Variants in FOCAD observed in about 807,000 individuals in gnomAD.
FOCAD encodes focadhesin, also known as KIAA1797.
A neutral mutation model predicts 225.6 loss-of-function variants in FOCAD; 198 were observed. That is an observed-to-expected ratio of 0.88 (90% CI 0.78 to 0.99). The LOEUF (loss-of-function observed/expected upper bound fraction) is 0.99. FOCAD is among the 50% of genes least tolerant of loss of function. The pLI is 0.00. For missense variants in FOCAD, 2,713 were observed against 2,123.6 expected (o/e 1.28, Z -5.46); for synonymous variants, 897 against 755.0 (o/e 1.19, Z -3.08).
At chr9:20,989,145 T>G (rs1841439599) in intron 41 of FOCAD, among the ~76,000 whole-genome samples, 1 of 152,164 alleles carries the variant, frequency 6.6e-6, no homozygotes, top group African/African-American at 2.4e-5. Context: ...GCTTCATGAG[T>G]ATTCTGTTTG....
chr9:20,918,736 A>C (rs1834096168), intron 24 of FOCAD, among the ~76,000 whole-genome samples: 2 of 152,314 alleles, frequency 1.3e-5, no homozygotes, highest in South Asian at 4.1e-4. Context: ...AAAAAAAAAA[A>C]AAACTTACAA....
intron 19 of FOCAD, among the ~76,000 whole-genome samples, chr9:20,878,872 G>C (rs1830444795): frequency 6.6e-6 from 1 of 152,186 alleles, no homozygotes; most frequent in Admixed American, 6.5e-5. Context: ...GGCTGCTGGT[G>C]AAAGTCCTGT....
At chr9:20,737,470 T>A (rs377664217) in intron 4 of FOCAD, among the ~76,000 whole-genome samples, 3 of 152,260 alleles carry the variant, frequency 2.0e-5, no homozygotes, top group East Asian at 3.8e-4. Context: ...TTTCAACTAA[T>A]CATTAGGCTC....
intron 5 of FOCAD, among the ~76,000 whole-genome samples, chr9:20,749,470 A>G (rs1011416286): frequency 6.6e-6 from 1 of 152,102 alleles, no homozygotes; most frequent in African/African-American, 2.4e-5. Flanking sequence ...AGTGATATTC[A>G]TGGTGGAATC....
intron 21 of FOCAD, among the ~76,000 whole-genome samples, chr9:20,899,278 T>A (rs911565526): frequency 2.6e-5 from 4 of 151,910 alleles, no homozygotes; most frequent in African/African-American, 9.7e-5. Flanking sequence ...CATAAAGGTG[T>A]GGGGACCCTC....
At chr9:20,758,384 C>G (rs1446990617) in intron 6 of FOCAD, among the ~76,000 whole-genome samples, 193 bp downstream of exon 6, 1 of 151,584 alleles carries the variant, frequency 6.6e-6, no homozygotes, top group Admixed American at 6.6e-5. Context: ...TATTATTATA[C>G]TTTAAGTTTT....
At chr9:20,898,605 T>A (rs924225574) in intron 21 of FOCAD, among the ~76,000 whole-genome samples, 2 of 151,928 alleles carry the variant, frequency 1.3e-5, no homozygotes, top group Non-Finnish European at 2.9e-5. Context: ...TCTGCTTACA[T>A]TGTTAATTTG....
intron 15 of FOCAD, among the ~76,000 whole-genome samples, chr9:20,849,315 T>C (rs1378546514): frequency 6.6e-6 from 1 of 151,854 alleles, no homozygotes; most frequent in Non-Finnish European, 1.5e-5. Context: ...TGGACTCTTT[T>C]GGAAATCAAC....
chr9:20,966,397 C>T (rs1345150871), intron 35 of FOCAD, among the ~76,000 whole-genome samples: 4 of 151,898 alleles, frequency 2.6e-5, no homozygotes, highest in Admixed American at 6.6e-5. Context: ...GTTGTTGAGT[C>T]GTAAGAGTTC....
Position 20,950,995 on chromosome 9 carries a change from G to A in FOCAD, c.3949-1G>A, listed in dbSNP as rs1440659059. The A allele has an allele frequency of 6.2e-7, 1 of 1,611,624 alleles. No homozygotes were observed. Among genetic ancestry groups the A allele is most frequent in the Non-Finnish European group, 8.5e-7 (1 of 1,177,980 alleles). ...TTGAACTGTTACCTTTTTATTTGTA[G>A]GTCATTAGTGTCTCTGGGGTGATTG... is the stretch of plus-strand genomic sequence containing the variant. On this transcript the variant is annotated splice_acceptor_variant, in intron 33 of 43. Coordinates refer to ENST00000338382, the MANE Select transcript of FOCAD (RefSeq NM_001375567.1). LOFTEE classifies it high-confidence loss of function.
chr9:20,884,778 T>A (rs1427051259), intron 20 of FOCAD, among the ~76,000 whole-genome samples: 1 of 151,892 alleles, frequency 6.6e-6, no homozygotes, highest in Non-Finnish European at 1.5e-5. Flanking sequence ...AATGTCTTTG[T>A]AAGCTGGGCG....
chr9:20,789,395 A>C lies in FOCAD; in HGVS notation c.1242A>C (p.Thr414=), dbSNP rs1041575131. Residue 414 remains threonine (T), a synonymous_variant, in exon 11 of 44, where the codon ACA becomes ACC. Transcript: ENST00000338382. ...LVCPVTSMYG[T]IFTAWRILEV... Reference sequence around the variant, plus strand: ...GCCCTGTAACCAGTATGTATGGTACAATATTTACAGCCTGGAGGATTCTTG... The same window carrying C: ...GCCCTGTAACCAGTATGTATGGTACCATATTTACAGCCTGGAGGATTCTTG... 2 of 1,613,892 alleles carry C rather than the reference A, an allele frequency of 1.2e-6. No individual in the cohort carries two copies. Among genetic ancestry groups the C allele is most frequent in the Non-Finnish European group, 1.7e-6 (2 of 1,179,964 alleles).
intron 11 of FOCAD, among the ~76,000 whole-genome samples, chr9:20,814,918 A>G (rs1185219322): frequency 6.6e-6 from 1 of 151,960 alleles, no homozygotes; most frequent in African/African-American, 2.4e-5. Flanking sequence ...ATTAAAAGTG[A>G]TTCACGCACC....
chr9:20,782,319 C>T (rs1214251546), intron 10 of FOCAD, among the ~76,000 whole-genome samples: 2 of 152,174 alleles, frequency 1.3e-5, no homozygotes, highest in Admixed American at 6.5e-5. Context: ...AAATAGTCCT[C>T]AAATGCCTGG....
chr9:20,896,916 T>G (rs7034513), intron 21 of FOCAD: 30,175 of 151,794 alleles, frequency 0.2, 3,345 homozygotes, highest in Non-Finnish European at 0.25. Context: ...TCCAGTTGAT[T>G]GATGGTGTTT....
At chr9:20,939,482 T>C (rs112513684) in intron 28 of FOCAD, among the ~76,000 whole-genome samples, 1 of 152,240 alleles carries the variant, frequency 6.6e-6, no homozygotes, top group African/African-American at 2.4e-5. Flanking sequence ...AGTGGCACAG[T>C]CAGGAGTGAC....
At chr9:20,736,486 G>C (rs1033716298) in intron 4 of FOCAD, among the ~76,000 whole-genome samples, 11 of 151,182 alleles carry the variant, frequency 7.3e-5, no homozygotes, top group Admixed American at 1.3e-4. Context: ...GAATAACAAA[G>C]ACTTGAAAAC....
At chr9:20,892,904 C>T (rs1300279205) in intron 21 of FOCAD, among the ~76,000 whole-genome samples, 1 of 152,140 alleles carries the variant, frequency 6.6e-6, no homozygotes, top group African/African-American at 2.4e-5. Flanking sequence ...ATTCATCAGC[C>T]ACCCTAATCA....
chr9:20,736,215 A>T (rs139356159), intron 4 of FOCAD, among the ~76,000 whole-genome samples: 1 of 149,076 alleles, frequency 6.7e-6, no homozygotes, highest in African/African-American at 2.4e-5. Context: ...AAAATTTAAG[A>T]GGTTATAGGA....
Sources: gnomAD v4.1 joint callset for allele counts (sites outside exome capture counted in the v4.1 genomes callset) on GRCh38, gnomAD v4.1.1 for gene constraint, MANE v1.5 for transcripts, NCBI Gene and HGNC (gene_info 2026-07-23, HGNC 2026-07-21) for gene names.